The following NBEA variants were observed in gnomAD, a reference collection of about 807,000 sequenced individuals.
NBEA encodes lysosomal-trafficking regulator 2.
Under a neutral mutation model 343.4 loss-of-function variants are expected in NBEA, and 44 were observed. The observed-to-expected ratio is 0.13, with a 90% CI of 0.10 to 0.16. The LOEUF is 0.16. NBEA is among the 10% of genes least tolerant of loss of function. NBEA has a pLI of 1.00. For missense variants in NBEA, 2,555 were observed against 3,631.3 expected (o/e 0.70, Z 7.62); for synonymous variants, 1,175 against 1,238.7 (o/e 0.95, Z 1.08).
intron 33 of NBEA, among the ~76,000 whole-genome samples, chr13:35,214,096 G>C (rs2073935656): frequency 1.3e-5 from 2 of 151,506 alleles, no homozygotes; most frequent in South Asian, 4.2e-4. Flanking sequence ...CCTTTTTATT[G>C]GTAGGTATTA....
chr13:35,144,309 C>G (rs1476550675), intron 18 of NBEA, among the ~76,000 whole-genome samples: 1 of 152,060 alleles, frequency 6.6e-6, no homozygotes, highest in Non-Finnish European at 1.5e-5. Context: ...AGATATTTCC[C>G]AGAACTGTGA....
intron 1 of NBEA, among the ~76,000 whole-genome samples, chr13:34,974,111 G>A (rs2060088555): frequency 6.6e-6 from 1 of 152,190 alleles, no homozygotes; most frequent in Admixed American, 6.5e-5. Context: ...ACTTGGTGGG[G>A]GAGGTTCCTC....
At chr13:35,139,888 C>G (rs967006889) in intron 17 of NBEA, among the ~76,000 whole-genome samples, 1 of 151,832 alleles carries the variant, frequency 6.6e-6, no homozygotes, top group African/African-American at 2.4e-5. Context: ...AAGTTTCCCC[C>G]GAACCTAGAA....
At chr13:35,535,259 A>G (rs535636731) in intron 41 of NBEA, among the ~76,000 whole-genome samples, 1 of 152,356 alleles carries the variant, frequency 6.6e-6, no homozygotes, top group African/African-American at 2.4e-5. Flanking sequence ...GAAATTCAGT[A>G]GGTGCATTGT....
chr13:35,058,903 T>C (rs750867691), intron 8 of NBEA, 40 bp downstream of exon 8: 4 of 1,494,476 alleles, frequency 2.7e-6, no homozygotes, highest in Non-Finnish European at 3.6e-6. Flanking sequence ...ATGGAGAGTT[T>C]TAGATGTAAA....
At chr13:34,970,653 C>CTTGTTT (rs1452510400) in intron 1 of NBEA, among the ~76,000 whole-genome samples, 1 of 152,042 alleles carries the variant, frequency 6.6e-6, no homozygotes, top group African/African-American at 2.4e-5. Flanking sequence ...TTCCCCATTG[C>CTTGTTT]TTGTTTTTGT....
intron 55 of NBEA, among the ~76,000 whole-genome samples, chr13:35,657,285 A>G (rs1369099037): frequency 6.6e-6 from 1 of 152,272 alleles, no homozygotes; most frequent in African/African-American, 2.4e-5. Context: ...TGGCATAGCT[A>G]CTGAACAAGA....
chr13:35,462,029 A>G (rs1197692041), intron 40 of NBEA, among the ~76,000 whole-genome samples: 1 of 152,242 alleles, frequency 6.6e-6, no homozygotes, highest in Non-Finnish European at 1.5e-5. Flanking sequence ...TGATTAGAAT[A>G]GAAAATGTCA....
chr13:34,987,043 C>T lies in NBEA; in HGVS notation c.294+43929C>T, dbSNP rs564316634. ...TTAATATTTTTATGTGAATCTGATCCTGTCATTATGCTGTTAGCCGGTTAT... is the reference window on the plus strand; with the variant it reads ...TTAATATTTTTATGTGAATCTGATCTTGTCATTATGCTGTTAGCCGGTTAT... On this transcript the variant is annotated intron_variant, in intron 1 of 58. Transcript: ENST00000379939. Among the ~76,000 whole-genome samples, 3 of 151,024 alleles carry T rather than the reference C, an allele frequency of 2.0e-5. 1 individual carries two copies. In the South Asian group the frequency reaches 6.3e-4, roughly 32 times the overall value.
chr13:35,012,004 A>G (rs992826946), intron 1 of NBEA, among the ~76,000 whole-genome samples: 1 of 152,180 alleles, frequency 6.6e-6, no homozygotes, highest in Non-Finnish European at 1.5e-5. Flanking sequence ...GAAGTCATAG[A>G]TACTATTCCC....
intron 36 of NBEA, among the ~76,000 whole-genome samples, chr13:35,334,653 T>C (rs1277251883): frequency 6.6e-6 from 1 of 152,208 alleles, no homozygotes; most frequent in Admixed American, 6.5e-5. Flanking sequence ...TCGTGTGTCT[T>C]CTTTTGAAAA....
At chr13:35,492,098 A>G (rs888058381) in intron 41 of NBEA, among the ~76,000 whole-genome samples, 17 of 151,976 alleles carry the variant, frequency 1.1e-4, no homozygotes, top group African/African-American at 3.1e-4. Context: ...TCAGGAATGG[A>G]AAACCAAACA....
intron 41 of NBEA, among the ~76,000 whole-genome samples, chr13:35,473,599 T>C (rs1417819657): frequency 6.6e-6 from 1 of 152,228 alleles, no homozygotes; most frequent in Non-Finnish European, 1.5e-5. Context: ...GGACTTCTTT[T>C]ACTTCTAGCT....
intron 47 of NBEA, among the ~76,000 whole-genome samples, chr13:35,599,835 A>C (rs995122685): frequency 6.6e-6 from 1 of 152,234 alleles, no homozygotes; most frequent in African/African-American, 2.4e-5. Flanking sequence ...TTTAAGTACT[A>C]GTTTGGTTTG....
chr13:35,073,067 C>A (rs2063945131), intron 10 of NBEA, among the ~76,000 whole-genome samples: 3 of 152,138 alleles, frequency 2.0e-5, no homozygotes, highest in Admixed American at 1.3e-4. Flanking sequence ...GTAATACAGT[C>A]TTTTGTTATT....
At chr13:35,410,905 C>G (rs1022626502) in intron 38 of NBEA, among the ~76,000 whole-genome samples, 5 of 152,142 alleles carry the variant, frequency 3.3e-5, no homozygotes, top group African/African-American at 1.2e-4. Flanking sequence ...TGAAGCTTTC[C>G]TGGGCATTTT....
chr13:35,590,848 G>A (rs9574203), intron 46 of NBEA, among the ~76,000 whole-genome samples: 19,410 of 151,952 alleles, frequency 0.13, 1,363 homozygotes, highest in East Asian at 0.28. Flanking sequence ...AAGAAAACCC[G>A]TATCTTACTC....
chr13:35,248,891 T>C (rs2152785533), intron 34 of NBEA, among the ~76,000 whole-genome samples: 1 of 152,250 alleles, frequency 6.6e-6, no homozygotes, highest in East Asian at 1.9e-4. Context: ...AGCTCATGCC[T>C]CTAATCCCAG....
At position 35,527,475 on chromosome 13, in the gene NBEA, A is replaced by T. The variant is rs370032975; in HGVS notation, c.6586-23002A>T. The stretch of plus-strand genomic sequence containing the variant: ...GCTGTTTATGCTGAGAGGTGCCTGC[A>T]GGTGCATGTCGGGTTGCCTTCAGCT... On this transcript the variant is annotated intron_variant, in intron 41 of 58. Transcript: ENST00000379939. 2.6e-5 allele frequency among the ~76,000 whole-genome samples: 4 copies of T among 152,198 alleles called. No individual in the cohort carries two copies. In the East Asian group the frequency reaches 5.8e-4, roughly 22 times the overall value.
Sources: allele counts gnomAD v4.1 joint callset (sites outside exome capture counted in the v4.1 genomes callset), GRCh38; gene constraint gnomAD v4.1.1; transcripts MANE v1.5; gene names NCBI Gene and HGNC (gene_info 2026-07-23, HGNC 2026-07-21).